The following GPM6B variants were observed in gnomAD, a reference collection of about 807,000 sequenced individuals.
The protein encoded by GPM6B is neuronal membrane glycoprotein M6-b.
A neutral mutation model predicts 27.2 loss-of-function variants in GPM6B; 4 were observed. The observed-to-expected ratio is 0.15, with a 90% confidence interval of 0.07 to 0.34. GPM6B has a LOEUF of 0.34. Ranked by LOEUF, GPM6B falls within the 10% of genes least tolerant of loss-of-function variation. The pLI is 1.00. For synonymous variants in GPM6B, 124 were observed against 103.1 expected (o/e 1.20, Z -1.23); for missense variants, 183 against 261.9 (o/e 0.70, Z 2.08).
intron 1 of GPM6B, among the ~76,000 whole-genome samples, chrX:13,933,426 G>A (rs746720473): frequency 9.9e-5 from 11 of 111,615 alleles, no homozygotes; most frequent in Non-Finnish European, 1.5e-4. Context: ...AAACCATACT[G>A]ATCATTGTCC....
chrX:13,777,691 GGTTCACATTTGGAA>G (rs1382840808), intron 5 of GPM6B, among the ~76,000 whole-genome samples: 1 of 112,379 alleles, frequency 8.9e-6, no homozygotes, highest in African/African-American at 3.2e-5. Flanking sequence ...ATTCAGTGAG[GGTTCACATTTGGAA>G]GTTCATATTT....
At chrX:13,920,281 AAAAAAAAGAAAGAAAGAAAG>A (rs1164518075) in intron 1 of GPM6B, among the ~76,000 whole-genome samples, 4 of 82,627 alleles carry the variant, frequency 4.8e-5, no homozygotes, top group African/African-American at 1.2e-4. Flanking sequence ...AAAAAAAAAA[AAAAAAAAGAAAGAAAGAAAG>A]AAAAAAAAAG....
At chrX:13,903,112 T>A (rs1225834298) in intron 1 of GPM6B, among the ~76,000 whole-genome samples, 2 of 112,089 alleles carry the variant, frequency 1.8e-5, no homozygotes, top group African/African-American at 6.5e-5. Context: ...CCATACTTTG[T>A]TAAGGGGTCT....
intron 1 of GPM6B, among the ~76,000 whole-genome samples, chrX:13,838,019 A>T (rs2049525593): frequency 9.0e-6 from 1 of 110,936 alleles, no homozygotes. Flanking sequence ...GAAACTGACA[A>T]AATAAAGAAA....
intron 2 of GPM6B, among the ~76,000 whole-genome samples, chrX:13,786,810 G>A (rs932352745): frequency 4.5e-5 from 5 of 110,708 alleles, no homozygotes; most frequent in Non-Finnish European, 9.4e-5. Context: ...ATAAAGACCT[G>A]CCTCAGGGGC....
intron 1 of GPM6B, among the ~76,000 whole-genome samples, chrX:13,922,672 A>C (rs1344117188): frequency 8.9e-6 from 1 of 112,328 alleles, no homozygotes; most frequent in Non-Finnish European, 1.9e-5. Context: ...ATTGAATCAC[A>C]GAGTAGAAAT....
At chrX:13,891,293 C>T (rs186810806) in intron 1 of GPM6B, among the ~76,000 whole-genome samples, 2 of 110,935 alleles carry the variant, frequency 1.8e-5, no homozygotes, top group South Asian at 7.8e-4. Context: ...ATTAACCAGA[C>T]CCCCAGGTGA....
chrX:13,868,053 G>A (rs1233939034), intron 1 of GPM6B, among the ~76,000 whole-genome samples: 3 of 111,657 alleles, frequency 2.7e-5, no homozygotes, highest in South Asian at 3.8e-4. Context: ...TATCTAGCAC[G>A]GTGCCTCTTT....
chrX:13,903,533 C>T (rs1438353970), intron 1 of GPM6B, among the ~76,000 whole-genome samples: 1 of 112,074 alleles, frequency 8.9e-6, no homozygotes, highest in Non-Finnish European at 1.9e-5. Flanking sequence ...CCTAAGCTCA[C>T]GTTCATTATC....
intron 1 of GPM6B, among the ~76,000 whole-genome samples, chrX:13,871,367 A>C (rs1285494128): frequency 1.8e-5 from 2 of 112,265 alleles, no homozygotes; most frequent in South Asian, 3.7e-4. Flanking sequence ...AGCTTTCAAA[A>C]CATGTCAATG....
At chrX:13,840,485 C>T (rs887126529) in intron 1 of GPM6B, among the ~76,000 whole-genome samples, 5 of 111,429 alleles carry the variant, frequency 4.5e-5, no homozygotes, top group Admixed American at 9.5e-5. Flanking sequence ...ATAGTAGAAG[C>T]GCAATAAATA....
intron 1 of GPM6B, among the ~76,000 whole-genome samples, chrX:13,865,542 C>CAAAAAAAAAAAAAAAAAA (rs1171503867): frequency 6.2e-4 from 9 of 14,616 alleles, no homozygotes; most frequent in Non-Finnish European, 1.1e-3. Flanking sequence ...TCCATCTCTT[C>CAAAAAAAAAAAAAAAAAA]AAAAAAAAAA....
intron 1 of GPM6B, among the ~76,000 whole-genome samples, chrX:13,911,441 T>C (rs191228947): frequency 1.8e-5 from 2 of 112,324 alleles, no homozygotes; most frequent in Non-Finnish European, 3.8e-5. Flanking sequence ...TACTGTATTT[T>C]GTCGTCCAAC....
At chrX:13,838,224 G>A (rs1180175756) in intron 1 of GPM6B, among the ~76,000 whole-genome samples, 1 of 111,658 alleles carries the variant, frequency 9.0e-6, no homozygotes, top group African/African-American at 3.3e-5. Context: ...CTCAAAGGCT[G>A]TCCCTGTCAC....
intron 2 of GPM6B, among the ~76,000 whole-genome samples, chrX:13,799,611 C>T (rs1466752600): frequency 9.1e-6 from 1 of 110,043 alleles, no homozygotes; most frequent in Non-Finnish European, 1.9e-5. Context: ...TAGAGTCACA[C>T]ATCATGAGTG....
At chrX:13,783,625 G>T in intron 3 of GPM6B, 104 bp from the exon 4 acceptor site, 1 of 688,413 alleles carries the variant, frequency 1.5e-6, no homozygotes, top group Non-Finnish European at 2.2e-6. Flanking sequence ...TCCTGTGAGT[G>T]CGTCACTCGC....
At chrX:13,859,601 G>A (rs750205371) in intron 1 of GPM6B, among the ~76,000 whole-genome samples, 1 of 109,737 alleles carries the variant, frequency 9.1e-6, no homozygotes, top group South Asian at 3.9e-4. Flanking sequence ...GATTATATAT[G>A]CAATAGAACT....
intron 1 of GPM6B, among the ~76,000 whole-genome samples, chrX:13,920,282 A>G (rs1392505397): frequency 1.2e-5 from 1 of 82,874 alleles, no homozygotes; most frequent in East Asian, 3.0e-4. Flanking sequence ...AAAAAAAAAA[A>G]AAAAAAGAAA....
intron 2 of GPM6B, among the ~76,000 whole-genome samples, chrX:13,801,038 T>TAA (rs76875109): frequency 1.6e-4 from 15 of 94,134 alleles, no homozygotes; most frequent in East Asian, 6.3e-4. Flanking sequence ...ACCTCATACT[T>TAA]AAAAAAAAAA....
Sources: allele counts gnomAD v4.1 joint callset (sites outside exome capture counted in the v4.1 genomes callset), GRCh38; gene constraint gnomAD v4.1.1; transcripts MANE v1.5; gene names NCBI Gene and HGNC (gene_info 2026-07-23, HGNC 2026-07-21).